RNF44: variants seen among roughly 807,000 people sequenced by gnomAD.
The protein encoded by RNF44 is ring finger protein 44.
Under a neutral mutation model 53.6 loss-of-function variants are expected in RNF44, and 25 were observed. That is an observed-to-expected ratio of 0.47 (90% CI 0.34 to 0.65). The LOEUF (loss-of-function observed/expected upper bound fraction) is 0.65, where lower values mean the gene tolerates loss of function less well. RNF44 is among the 30% of genes least tolerant of loss of function. The probability of loss-of-function intolerance (pLI) is 0.01; values close to 1 mark genes in which losing one functional copy is unlikely to be tolerated. For synonymous variants in RNF44, 282 were observed against 252.2 expected (o/e 1.12, Z -1.12); for missense variants, 581 against 595.5 (o/e 0.98, Z 0.25).
upstream of RNF44, among the ~76,000 whole-genome samples, chr5:176,540,718 C>T (rs558617152): frequency 1.6e-4 from 24 of 152,320 alleles, no homozygotes; most frequent in African/African-American, 4.8e-4. Flanking sequence ...ACCAGGAAAC[C>T]GCTGCCCTGT....
chr5:176,542,749 C>G (rs1420390490), upstream of RNF44: 1 of 152,326 alleles, frequency 6.6e-6, no homozygotes, highest in Non-Finnish European at 1.5e-5. Flanking sequence ...GACCCCGCAG[C>G]GTTCCGACAT....
rs536318824 is a variant in RNF44 at position 176,532,093 on chromosome 5, G to A, written c.208C>T (p.Arg70Cys). 9.9e-5 allele frequency: 159 copies of A among 1,601,660 alleles called. No homozygotes were observed. The highest frequency in any genetic ancestry group is 1.3e-4 in the Non-Finnish European group (157 of 1,174,640). ...CCGCCGGCAGGAGCCGAGGCTCGGC[G>A]CTCCTCTACGGGGAGGTGTGGAGGT... ...SRPPHLPVEE[R>C]RASAPAGGSP... The change falls in exon 3 of 11, where the codon CGC (arginine) becomes TGC (cysteine). Residue 70 changes from arginine to cysteine, a missense_variant. This residue lies in a region of RNF44 where 387 missense variants were observed against 366.0 expected (regional missense o/e 1.06). Transcript: ENST00000274811.
upstream of RNF44, among the ~76,000 whole-genome samples, chr5:176,542,262 C>T (rs1476049533): frequency 6.6e-6 from 1 of 152,134 alleles, no homozygotes; most frequent in African/African-American, 2.4e-5. Flanking sequence ...GCCTGCCCTG[C>T]CTCTGGTTAG....
chr5:176,529,873 G>C, intron 7 of RNF44, 55 bp from the exon 8 acceptor site: 1 of 1,485,816 alleles, frequency 6.7e-7, no homozygotes, highest in Non-Finnish European at 9.0e-7. Flanking sequence ...GGGGCACACA[G>C]AGCCGCTCTC....
At chr5:176,532,229 G>T (rs1163870663) in intron 2 of RNF44, 36 bp from the exon 3 acceptor site, 6 of 1,491,140 alleles carry the variant, frequency 4.0e-6, no homozygotes. Flanking sequence ...TAGGACTGAG[G>T]GGGGCCACTC....
Position 176,529,702 on chromosome 5 carries a change from C to A in RNF44, c.1014+29G>T, listed in dbSNP as rs1446006673. ...CCCAGGGCTGCAGGTCTCCCAAACC[C>A]CACCTCCCAGCATGGGGCTCCATGG... is the stretch of plus-strand genomic sequence containing the variant. On this transcript the variant is annotated intron_variant, in intron 8 of 10. Transcript: ENST00000274811. The A allele has an allele frequency of 2.5e-6, 4 of 1,610,434 alleles. No homozygotes were observed. In the Admixed American group the frequency reaches 5.1e-5, roughly 20 times the overall value.
In RNF44 at chr5:176,532,236, A is replaced by G. The variant is rs1222944806; in HGVS notation, c.108-43T>C. On this transcript the variant is annotated intron_variant, in intron 2 of 10. Coordinates refer to ENST00000274811, the MANE Select transcript of RNF44 (RefSeq NM_014901.5). ...GGCCCCGATAGGACTGAGGGGGGCC[A>G]CTCGTGCACAGAGCAGGGAGAGAAG... 13 of 1,485,742 alleles carry G rather than the reference A, an allele frequency of 8.7e-6. No individual in the cohort carries two copies. In the South Asian group the frequency reaches 9.4e-5, roughly 11 times the overall value. The allele number at this position is 1,485,742 out of a possible 1,614,324, so 92.0% of individuals were successfully genotyped here.
rs896116585 is a variant in RNF44 at position 176,532,535 on chromosome 5, A to G, written c.-44-19T>C. On this transcript the variant is annotated intron_variant, in intron 1 of 10. Coordinates refer to ENST00000274811, the MANE Select transcript of RNF44 (RefSeq NM_014901.5). Reference sequence around the variant, plus strand: ...CACAACCCTAGGAGGCAAGGAGACAAGAAGACTGAGGCACCTGGCCAACAT... The same window carrying G: ...CACAACCCTAGGAGGCAAGGAGACAGGAAGACTGAGGCACCTGGCCAACAT... 3 of 1,469,574 alleles carry G rather than the reference A, an allele frequency of 2.0e-6. No individual in the cohort carries two copies. In the East Asian group the frequency reaches 7.2e-5, roughly 35 times the overall value. 91.0% of individuals were successfully genotyped at this position (1,469,574 alleles called of 1,614,324 possible). A position where few individuals can be genotyped will look rare whatever the true frequency, so the allele number is the denominator to read the frequency against.
chr5:176,542,676 G>C (rs537232646), upstream of RNF44: 4 of 152,294 alleles, frequency 2.6e-5, no homozygotes, highest in South Asian at 6.2e-4. Flanking sequence ...AGCTCGACTC[G>C]AGCTTAGTGG....
At position 176,531,555 on chromosome 5, in the gene RNF44, G is replaced by C. The variant is rs778699074; in HGVS notation, c.373C>G (p.Gln125Glu). The C allele has an allele frequency of 1.9e-6, 3 of 1,613,038 alleles. No individual in the cohort carries two copies. The South Asian group carries it at 3.3e-5, about 18-fold the overall frequency. The change falls in exon 4 of 11, where the codon CAG becomes GAG. Residue 125 changes from glutamine (Q) to glutamate (E), a missense_variant. Around this residue, in one of 3 missense-constraint regions of RNF44, gnomAD observed 387 missense variants for 366.0 expected, o/e 1.06. Coordinates refer to ENST00000274811, the MANE Select transcript of RNF44 (RefSeq NM_014901.5). The surrounding 1 kb of genome is among the most constrained non-coding windows in gnomAD (Gnocchi z 4.2). ...TTQGFPLPTG[Q>E]HIPGCSAQQL... Reference sequence around the variant, plus strand: ...TGGGCACTGCAGCCAGGGATGTGCTGGCCTGTAGGCAAGGGGAAGCCTTGG... The same window carrying C: ...TGGGCACTGCAGCCAGGGATGTGCTCGCCTGTAGGCAAGGGGAAGCCTTGG...
At chr5:176,530,779 G>T in intron 5 of RNF44, 36 bp from the exon 6 acceptor site, 6 of 1,499,536 alleles carry the variant, frequency 4.0e-6, no homozygotes, top group Non-Finnish European at 5.3e-6. Flanking sequence ...AAGTCAGTGA[G>T]ACGAGGCTGT....
At chr5:176,533,722 TGAGGGTCCAGGTGGAGGATGTC>T (rs779549801) in intron 1 of RNF44, among the ~76,000 whole-genome samples, 310 of 152,262 alleles carry the variant, frequency 2.0e-3, no homozygotes, top group Non-Finnish European at 3.4e-3. Context: ...CGGTCAGAGA[TGAGGGTCCAGGTGGAGGATGTC>T]GAGGGACCTG....
At chr5:176,534,150 G>A (rs943199596) in intron 1 of RNF44, among the ~76,000 whole-genome samples, 1 of 152,256 alleles carries the variant, frequency 6.6e-6, no homozygotes, top group African/African-American at 2.4e-5. Context: ...GGACCACCTT[G>A]TGTCCAGCTC....
rs1756792354 is a variant in RNF44, at chr5:176,532,533, CAAG to C, written c.-44-20_-44-18del. The C allele has an allele frequency of 2.0e-5, 29 of 1,471,700 alleles. No homozygotes were observed. The highest frequency in any genetic ancestry group is 2.5e-5 in the Non-Finnish European group (28 of 1,115,468). The allele number at this position is 1,471,700 out of a possible 1,614,324, so 91.2% of individuals were successfully genotyped here. Reference sequence around the variant, plus strand: ...CTCACAACCCTAGGAGGCAAGGAGACAAGAAGACTGAGGCACCTGGCCAACATG... The same window carrying C: ...CTCACAACCCTAGGAGGCAAGGAGACAAGACTGAGGCACCTGGCCAACATG... On this transcript the variant is annotated intron_variant, in intron 1 of 10. Transcript: ENST00000274811.
At chr5:176,542,148 C>A (rs1757462091), upstream of RNF44, among the ~76,000 whole-genome samples, 1 of 152,172 alleles carries the variant, frequency 6.6e-6, no homozygotes, top group African/African-American at 2.4e-5. Context: ...TCTATGGCTC[C>A]TCTCCTTCTC....
At chr5:176,529,951 G>A in intron 7 of RNF44, 131 bp downstream of exon 7, 1 of 1,386,926 alleles carries the variant, frequency 7.2e-7, no homozygotes, top group East Asian at 2.4e-5. Flanking sequence ...TGGCGTGCCT[G>A]TCAGGTTAAG....
At chr5:176,534,980 G>A (rs1026457958) in intron 1 of RNF44, among the ~76,000 whole-genome samples, 3 of 152,228 alleles carry the variant, frequency 2.0e-5, no homozygotes, top group Admixed American at 6.5e-5. Flanking sequence ...AGAGGCCCAG[G>A]CCTGTGGGTG....
At position 176,528,933 on chromosome 5, in the gene RNF44, A is replaced by G; in HGVS notation, c.*95T>C. ...GAAATGCAGGCAGGAGCGAAGGGGC[A>G]GGCCTGGGCCACTCCCTCCCCATCC... On this transcript the variant is annotated 3_prime_UTR_variant, in exon 11 of 11. Transcript: ENST00000274811. The G allele has an allele frequency of 8.4e-7, 1 of 1,196,576 alleles. No individual in the cohort carries two copies. Among genetic ancestry groups the G allele is most frequent in the East Asian group, 2.4e-5 (1 of 41,820 alleles). The allele number at this position is 1,196,576 out of a possible 1,614,324, so 74.1% of individuals were successfully genotyped here. A position where few individuals can be genotyped will look rare whatever the true frequency, so the allele number is the denominator to read the frequency against.
At position 176,531,769 on chromosome 5, in the gene RNF44, CTG is replaced by C; in HGVS notation, c.298-141_298-140del. 1.1e-6 allele frequency: 1 copy of C among 948,152 alleles called. No homozygotes were observed. The highest frequency in any genetic ancestry group is 1.5e-6 in the Non-Finnish European group (1 of 649,888). 58.7% of individuals were successfully genotyped at this position (948,152 alleles called of 1,614,324 possible). A position where few individuals can be genotyped will look rare whatever the true frequency, so the allele number is the denominator to read the frequency against. On this transcript the variant is annotated intron_variant, in intron 3 of 10. Transcript: ENST00000274811. The surrounding 1 kb of genome is among the most constrained non-coding windows in gnomAD (Gnocchi z 4.2). ...GCGGCCTACCTCAGTGCAGACCAGA[CTG>C]TGCCTCTACTCCCAGGCCCCCGGGG...
Sources: gnomAD v4.1 joint callset for allele counts (sites outside exome capture counted in the v4.1 genomes callset) on GRCh38, gnomAD v4.1.1 for gene constraint, gnomAD v4.1.1 regional missense constraint, Gnocchi (gnomAD v3.1) non-coding constraint, MANE v1.5 for transcripts, NCBI Gene and HGNC (gene_info 2026-07-23, HGNC 2026-07-21) for gene names.